SHANK2: variants seen among roughly 807,000 people sequenced by gnomAD.
The protein encoded by SHANK2 is SH3 and multiple ankyrin repeat domains 2.
In SHANK2, 43 loss-of-function variants were observed where a neutral mutation model predicts 133.7. The observed-to-expected ratio is 0.32, with a 90% confidence interval of 0.25 to 0.41. The LOEUF is 0.41. Among genes scored for constraint, SHANK2 ranks in the 10% least tolerant of loss-of-function variants. SHANK2 has a pLI of 1.00. For synonymous variants in SHANK2, 1,017 were observed against 952.8 expected (o/e 1.07, Z -1.24); for missense variants, 1,994 against 2,235.8 (o/e 0.89, Z 2.18).
intron 17 of SHANK2, among the ~76,000 whole-genome samples, chr11:70,521,506 T>C (rs1554970996): frequency 6.6e-6 from 1 of 152,272 alleles, no homozygotes; most frequent in Non-Finnish European, 1.5e-5. Flanking sequence ...AAATTGAACC[T>C]GCTACTCTCT....
At chr11:71,198,899 TTTGAGAG>T (rs1304384957) in intron 2 of SHANK2, among the ~76,000 whole-genome samples, 7 of 152,208 alleles carry the variant, frequency 4.6e-5, no homozygotes, top group Non-Finnish European at 7.3e-5. Context: ...AGACTGCAGC[TTTGAGAG>T]TTGCCTGTGA....
chr11:70,665,778 C>T (rs550775923), intron 15 of SHANK2, among the ~76,000 whole-genome samples: 3 of 152,282 alleles, frequency 2.0e-5, no homozygotes, highest in East Asian at 1.9e-4. Context: ...GCAAGTGAGG[C>T]GATGCCCAGT....
chr11:70,661,563 G>C, intron 16 of SHANK2, 33 bp downstream of exon 16: 1 of 1,460,662 alleles, frequency 6.8e-7, no homozygotes, highest in Non-Finnish European at 9.5e-7. Context: ...ACAAACATGG[G>C]AACATATTCA....
rs34853868 is a variant in SHANK2, at chr11:70,569,939, T to TAGAG, written c.2062-67012_2062-67009dup. Among the ~76,000 whole-genome samples, 5 of 147,708 alleles carry TAGAG rather than the reference T, an allele frequency of 3.4e-5. No individual in the cohort carries two copies. The highest frequency in any genetic ancestry group is 2.2e-4 in the South Asian group (1 of 4,574). On this transcript the variant is annotated intron_variant, in intron 17 of 25. Transcript: ENST00000601538. The surrounding 1 kb of genome is among the most constrained non-coding windows in gnomAD (Gnocchi z 5.1). ...TCACCGAGACAGAGACACAGAGACA[T>TAGAG]AGAGAGAGAGAGAGAAGGGAGTGAG...
chr11:70,707,295 C>A (rs1466359318), intron 14 of SHANK2, among the ~76,000 whole-genome samples: 1 of 149,242 alleles, frequency 6.7e-6, no homozygotes, highest in African/African-American at 2.5e-5. Context: ...TCGCCTGAAC[C>A]CGAGAGGTGG....
chr11:70,670,650 G>A (rs1204488203), intron 15 of SHANK2, among the ~76,000 whole-genome samples: 1 of 152,236 alleles, frequency 6.6e-6, no homozygotes, highest in Non-Finnish European at 1.5e-5. Context: ...CTTCCTGGTC[G>A]GAGAGTTACA....
intron 14 of SHANK2, among the ~76,000 whole-genome samples, chr11:70,794,827 A>G (rs1486128756): frequency 6.6e-6 from 1 of 152,172 alleles, no homozygotes; most frequent in Non-Finnish European, 1.5e-5. Flanking sequence ...AGGTGCAAAG[A>G]TTACAGGCAT....
intron 14 of SHANK2, among the ~76,000 whole-genome samples, chr11:70,747,147 C>G (rs1218966341): frequency 1.3e-5 from 2 of 151,838 alleles, no homozygotes; most frequent in African/African-American, 2.4e-5. Context: ...TGGTAAGACT[C>G]CGCTTGGGTT....
rs895241097 is a variant in SHANK2 at position 70,469,838 on chromosome 11, A to G, written c.*3031T>C. The G allele has an allele frequency of 2.0e-5, 3 of 152,780 alleles. No individual in the cohort carries two copies. Among genetic ancestry groups the G allele is most frequent in the East Asian group, 3.9e-4 (2 of 5,190 alleles). 9.5% of individuals were successfully genotyped at this position (152,780 alleles called of 1,614,324 possible). ...AACAGTCACATTGAGTAATTTTTAT[A>G]TTATGTGAATTAACTTAAAATGTGC... On this transcript the variant is annotated 3_prime_UTR_variant, in exon 26 of 26. Coordinates refer to ENST00000601538, the MANE Select transcript of SHANK2 (RefSeq NM_012309.5).
chr11:70,922,956 A>AT (rs1393334637), intron 10 of SHANK2, among the ~76,000 whole-genome samples: 2 of 152,118 alleles, frequency 1.3e-5, no homozygotes, highest in Non-Finnish European at 2.9e-5. Context: ...AAGGAGATAA[A>AT]TTTGAAAAAA....
At chr11:71,134,687 G>C (rs1354622199) in intron 3 of SHANK2, among the ~76,000 whole-genome samples, 2 of 151,978 alleles carry the variant, frequency 1.3e-5, no homozygotes, top group African/African-American at 4.8e-5. Context: ...TACTCCACCC[G>C]CCTCGGCCTC....
At chr11:71,056,038 T>C (rs1950914429) in intron 10 of SHANK2, among the ~76,000 whole-genome samples, 1 of 152,124 alleles carries the variant, frequency 6.6e-6, no homozygotes, top group Non-Finnish European at 1.5e-5. Context: ...CCCTGGCCCA[T>C]GATTGGCTGG....
chr11:71,229,778 AAAAAGAAAAAGAAAAG>A (rs1231327417), intron 1 of SHANK2, among the ~76,000 whole-genome samples: 6 of 151,870 alleles, frequency 4.0e-5, no homozygotes, highest in African/African-American at 1.4e-4. Context: ...AAAAAAAAAA[AAAAAGAAAAAGAAAAG>A]AAAAGAAATA....
In SHANK2 at chr11:70,803,836, G is replaced by C. The variant is rs996846623; in HGVS notation, c.1663+3166C>G. Among the ~76,000 whole-genome samples, 51 of 151,830 alleles carry C rather than the reference G, an allele frequency of 3.4e-4. 1 individual carries two copies. The highest frequency in any genetic ancestry group is 4.4e-5 in the Non-Finnish European group (3 of 67,972). ...AAAAAAAAAAAAAAAAGGAGCGTCAGTGGGGGAATCGGAACATGTACACAC... is the reference window on the plus strand; with the variant it reads ...AAAAAAAAAAAAAAAAGGAGCGTCACTGGGGGAATCGGAACATGTACACAC... On this transcript the variant is annotated intron_variant, in intron 13 of 25. Coordinates refer to ENST00000601538, the MANE Select transcript of SHANK2 (RefSeq NM_012309.5).
intron 17 of SHANK2, among the ~76,000 whole-genome samples, chr11:70,591,400 T>G (rs899103448): frequency 1.3e-5 from 2 of 150,090 alleles, no homozygotes; most frequent in Non-Finnish European, 3.0e-5. Flanking sequence ...AAAAAGAAGG[T>G]AGAAAAGAAA....
At chr11:70,768,393 C>T (rs1180102325) in intron 14 of SHANK2, among the ~76,000 whole-genome samples, 3 of 152,172 alleles carry the variant, frequency 2.0e-5, no homozygotes, top group African/African-American at 7.2e-5. Flanking sequence ...GTAATTCTGG[C>T]CACAAGAGTG....
chr11:71,062,012 T>C (rs1208599512), intron 9 of SHANK2, among the ~76,000 whole-genome samples: 4 of 140,406 alleles, frequency 2.8e-5, no homozygotes, highest in African/African-American at 2.6e-5. Context: ...AGGGTCTTGC[T>C]CTGGTGCAAT....
chr11:70,740,392 T>C (rs1406107421), intron 14 of SHANK2, among the ~76,000 whole-genome samples: 2 of 152,188 alleles, frequency 1.3e-5, no homozygotes, highest in Non-Finnish European at 1.5e-5. Flanking sequence ...CCGTTTATCC[T>C]GACCTCTGCT....
At chr11:71,087,987 T>C (rs1951441408) in intron 8 of SHANK2, among the ~76,000 whole-genome samples, 1 of 152,180 alleles carries the variant, frequency 6.6e-6, no homozygotes, top group South Asian at 2.1e-4. Context: ...ACTCATTCAC[T>C]AAAGGAAACC....
Sources: allele counts gnomAD v4.1 joint callset (sites outside exome capture counted in the v4.1 genomes callset), GRCh38; gene constraint gnomAD v4.1.1; non-coding constraint Gnocchi (gnomAD v3.1); transcripts MANE v1.5; gene names NCBI Gene and HGNC (gene_info 2026-07-23, HGNC 2026-07-21).